CAV3: variants seen among roughly 807,000 people sequenced by gnomAD.
The protein encoded by CAV3 is caveolin 3, also known as caveolin-3.
In CAV3, 10 loss-of-function variants were observed where a neutral mutation model predicts 13.4. The ratio of observed to expected loss-of-function variants is 0.75; its 90% CI spans 0.46 to 1.27. The LOEUF (loss-of-function observed/expected upper bound fraction) is 1.27. Ranked by LOEUF, CAV3 falls within the 50% of genes most tolerant of loss-of-function variation. The probability of loss-of-function intolerance (pLI) is 0.00; values close to 1 mark genes in which losing one functional copy is unlikely to be tolerated. For synonymous variants in CAV3, 90 were observed against 79.0 expected, an observed-to-expected ratio of 1.14 and a Z score of -0.74; for missense variants, 162 against 194.0, an observed-to-expected ratio of 0.83 and a Z score of 0.98.
rs979677804 is a variant in CAV3, at chr3:8,746,166, T to C, written c.*299T>C. 1 of 328,558 alleles carries C rather than the reference T, an allele frequency of 3.0e-6. No individual in the cohort carries two copies. The highest frequency in any genetic ancestry group is 5.7e-6 in the Non-Finnish European group (1 of 175,950). 20.4% of individuals were successfully genotyped at this position (328,558 alleles called of 1,614,324 possible). ...TGCGTTCACTTGTACTGTAACAACA[T>C]AAACCAGCACGCGGTTCCCACCCGG... On this transcript the variant is annotated 3_prime_UTR_variant, in exon 2 of 2. Transcript: ENST00000343849.
chr3:8,734,920 T>C (rs912735593), intron 1 of CAV3, among the ~76,000 whole-genome samples: 2 of 152,184 alleles, frequency 1.3e-5, no homozygotes, highest in Admixed American at 6.5e-5. Context: ...GGTTTCATTA[T>C]GTTGACCAAG....
At chr3:8,736,319 G>A (rs569521468) in intron 1 of CAV3, among the ~76,000 whole-genome samples, 15 of 152,316 alleles carry the variant, frequency 9.8e-5, no homozygotes, top group South Asian at 8.3e-4. Flanking sequence ...AGCACTGTGC[G>A]TTAGAAATAT....
chr3:8,738,372 C>G (rs561535971), intron 1 of CAV3, among the ~76,000 whole-genome samples: 1 of 152,340 alleles, frequency 6.6e-6, no homozygotes, highest in South Asian at 2.1e-4. Context: ...AGATGCCCAC[C>G]AGCCCTACAA....
chr3:8,743,344 G>T (rs1487862823), intron 1 of CAV3, among the ~76,000 whole-genome samples: 1 of 152,116 alleles, frequency 6.6e-6, no homozygotes, highest in Non-Finnish European at 1.5e-5. Context: ...TAAACATGGG[G>T]AGTGAATATG....
At chr3:8,737,468 A>T (rs1707797790) in intron 1 of CAV3, among the ~76,000 whole-genome samples, 1 of 151,982 alleles carries the variant, frequency 6.6e-6, no homozygotes, top group Admixed American at 6.6e-5. Context: ...AGTAGAGGGG[A>T]GGCACCCCTT....
intron 1 of CAV3, among the ~76,000 whole-genome samples, chr3:8,736,288 C>A (rs1707751715): frequency 1.3e-5 from 2 of 152,176 alleles, no homozygotes. Flanking sequence ...TTACCTCCAC[C>A]AGGTAAACGA....
Position 8,745,493 on chromosome 3 carries a change from G to A in CAV3, c.115-33G>A. 8.2e-7 allele frequency: 1 copy of A among 1,221,674 alleles called. No individual in the cohort carries two copies. The highest frequency in any genetic ancestry group is 1.2e-6 in the Non-Finnish European group (1 of 841,286). The allele number at this position is 1,221,674 out of a possible 1,614,324, so 75.7% of individuals were successfully genotyped here. A position where few individuals can be genotyped will look rare whatever the true frequency, so the allele number is the denominator to read the frequency against. ...AAAGCTTGAGAAGCGGGTGGCTTCT[G>A]TGAGTTGAGGCTTCCCCTTGCCACC... On this transcript the variant is annotated intron_variant, in intron 1 of 1. Coordinates refer to ENST00000343849, the MANE Select transcript of CAV3 (RefSeq NM_033337.3). This position sits in a 1 kb window ranked among gnomAD's most constrained non-coding sequence, Gnocchi z 4.8.
chr3:8,745,747 C>G lies in CAV3; in HGVS notation c.336C>G (p.Ile112Met). The change falls in exon 2 of 2, where the codon ATC (isoleucine) becomes ATG (methionine). Residue 112 changes from isoleucine (I) to methionine (M), a missense_variant. Coordinates refer to ENST00000343849, the MANE Select transcript of CAV3 (RefSeq NM_033337.3). This position sits in a 1 kb window ranked among gnomAD's most constrained non-coding sequence, Gnocchi z 4.8. ...AVVPCIKSYL[I>M]EIQCISHIYS... is the part of the protein sequence containing the mutation. The stretch of plus-strand genomic sequence containing the variant: ...TGCCATGCATTAAGAGCTACCTGAT[C>G]GAGATCCAGTGCATCAGCCACATCT... The G allele has an allele frequency of 1.9e-6, 3 of 1,614,120 alleles. No individual in the cohort carries two copies. The South Asian group carries it at 3.3e-5, about 18-fold the overall frequency.
intron 1 of CAV3, among the ~76,000 whole-genome samples, chr3:8,744,445 A>ATTTTTTT (rs141816229): frequency 3.2e-3 from 355 of 111,190 alleles, no homozygotes; most frequent in African/African-American, 0.011. Flanking sequence ...TACCCGGCTA[A>ATTTTTTT]TTTTTTTTTT....
rs1174022466 is a variant in CAV3, at chr3:8,745,891, GC to G, written c.*25del. The G allele has an allele frequency of 6.3e-7, 1 of 1,594,986 alleles. No homozygotes were observed. Among genetic ancestry groups the G allele is most frequent in the South Asian group, 1.1e-5 (1 of 90,130 alleles). ...AAAGCCAGGTGGGGCAACAGCGGTG[GC>G]AGGGCAGGGGGTGGTGGGCCAGACT... On this transcript the variant is annotated 3_prime_UTR_variant, in exon 2 of 2. Transcript: ENST00000343849. This position sits in a 1 kb window ranked among gnomAD's most constrained non-coding sequence, Gnocchi z 4.8.
rs958001365 is a variant in CAV3 at position 8,746,422 on chromosome 3, TC to T, written c.*556del. ...GGCCAAATGTAAGTGAAGAACAGAGTCTTTTTCTTCTTCGGATTCTATTGTT... is the reference window on the plus strand; with the variant it reads ...GGCCAAATGTAAGTGAAGAACAGAGTTTTTTCTTCTTCGGATTCTATTGTT... On this transcript the variant is annotated 3_prime_UTR_variant, in exon 2 of 2. Coordinates refer to ENST00000343849, the MANE Select transcript of CAV3 (RefSeq NM_033337.3). 1 of 153,052 alleles carries T rather than the reference TC, an allele frequency of 6.5e-6. No individual in the cohort carries two copies. The highest frequency in any genetic ancestry group is 2.4e-5 in the African/African-American group (1 of 41,328). The allele number at this position is 153,052 out of a possible 1,614,324, so 9.5% of individuals were successfully genotyped here.
At chr3:8,737,646 G>A (rs143108709) in intron 1 of CAV3, among the ~76,000 whole-genome samples, 1 of 152,232 alleles carries the variant, frequency 6.6e-6, no homozygotes, top group East Asian at 1.9e-4. Context: ...CATTTCTGTT[G>A]CCACTTGCCC....
chr3:8,746,152 G>C lies in CAV3; in HGVS notation c.*285G>C. On this transcript the variant is annotated 3_prime_UTR_variant, in exon 2 of 2. Transcript: ENST00000343849. ...CTACTGCAAGTCTTTGCGTTCACTT[G>C]TACTGTAACAACATAAACCAGCACG... is the stretch of plus-strand genomic sequence containing the variant. The C allele has an allele frequency of 2.5e-6, 1 of 400,394 alleles. No individual in the cohort carries two copies. The allele number at this position is 400,394 out of a possible 1,614,324, so 24.8% of individuals were successfully genotyped here.
chr3:8,739,662 T>C (rs574938078), intron 1 of CAV3, among the ~76,000 whole-genome samples: 1 of 151,660 alleles, frequency 6.6e-6, no homozygotes, highest in Non-Finnish European at 1.5e-5. Context: ...ACTTGTCAGC[T>C]TGTCAGCAAC....
intron 1 of CAV3, among the ~76,000 whole-genome samples, chr3:8,743,468 T>C (rs1281258927): frequency 2.6e-5 from 4 of 152,166 alleles, no homozygotes; most frequent in Non-Finnish European, 4.4e-5. Context: ...AGGCCCATTT[T>C]CTTCCTCTCC....
Position 8,746,115 on chromosome 3 carries a change from G to A in CAV3, c.*248G>A. The A allele has an allele frequency of 2.0e-6, 1 of 490,724 alleles. No homozygotes were observed. The highest frequency in any genetic ancestry group is 3.7e-6 in the Non-Finnish European group (1 of 272,108). The allele number at this position is 490,724 out of a possible 1,614,324, so 30.4% of individuals were successfully genotyped here. A position where few individuals can be genotyped will look rare whatever the true frequency, so the allele number is the denominator to read the frequency against. On this transcript the variant is annotated 3_prime_UTR_variant, in exon 2 of 2. Coordinates refer to ENST00000343849, the MANE Select transcript of CAV3 (RefSeq NM_033337.3). ...GCCTGGGCGTGGGGGAAGATCATTT[G>A]CCAAGAGGCAGCTACTGCAAGTCTT...
chr3:8,738,899 A>C (rs1381963273), intron 1 of CAV3, among the ~76,000 whole-genome samples: 1 of 152,210 alleles, frequency 6.6e-6, no homozygotes. Flanking sequence ...ACAACAGATA[A>C]CACTTCGCTG....
chr3:8,745,530 A>G lies in CAV3; in HGVS notation c.119A>G (p.Asp40Gly). 1 of 1,613,954 alleles carries G rather than the reference A, an allele frequency of 6.2e-7. No homozygotes were observed. The highest frequency in any genetic ancestry group is 8.5e-7 in the Non-Finnish European group (1 of 1,179,902). Residue 40 changes from aspartate to glycine, a missense_variant, in exon 2 of 2, where the codon GAT becomes GGT. Transcript: ENST00000343849. This position sits in a 1 kb window ranked among gnomAD's most constrained non-coding sequence, Gnocchi z 4.8. ...TTCCCCTTGCCACCCCTGCAGGTGG[A>G]TTTTGAAGACGTGATCGCAGAGCCT... The part of the protein sequence containing the change: ...KNINEDIVKV[D>G]FEDVIAEPVG...
intron 1 of CAV3, among the ~76,000 whole-genome samples, chr3:8,743,199 C>T (rs1708036599): frequency 6.6e-6 from 1 of 152,196 alleles, no homozygotes; most frequent in South Asian, 2.1e-4. Context: ...CTGGGGATCA[C>T]ATTTCAACAT....
Sources: gnomAD v4.1 joint callset for allele counts (sites outside exome capture counted in the v4.1 genomes callset) on GRCh38, gnomAD v4.1.1 for gene constraint, Gnocchi (gnomAD v3.1) non-coding constraint, MANE v1.5 for transcripts, NCBI Gene and HGNC (gene_info 2026-07-23, HGNC 2026-07-21) for gene names.